SDK1: variants seen among roughly 807,000 people sequenced by gnomAD.
SDK1 encodes the protein sidekick cell adhesion molecule 1.
A neutral mutation model predicts 245.5 loss-of-function variants in SDK1; 157 were observed. The observed-to-expected ratio is 0.64, with a 90% CI of 0.56 to 0.73. SDK1 has a LOEUF of 0.73. Among genes scored for constraint, SDK1 ranks in the 30% least tolerant of loss-of-function variants. SDK1 has a pLI of 0.00. For missense variants in SDK1, 3,583 were observed against 3,002.3 expected (o/e 1.19, Z -4.52); for synonymous variants, 1,647 against 1,278.5 (o/e 1.29, Z -6.15).
chr7:3,621,233 G>T (rs970047240), intron 2 of SDK1, among the ~76,000 whole-genome samples: 4 of 152,166 alleles, frequency 2.6e-5, no homozygotes, highest in Non-Finnish European at 5.9e-5. Context: ...TGAACTTAGA[G>T]TTGAGAACCA....
intron 1 of SDK1, among the ~76,000 whole-genome samples, chr7:3,341,041 C>T (rs1780336126): frequency 6.6e-6 from 1 of 151,966 alleles, no homozygotes; most frequent in Admixed American, 6.6e-5. Context: ...CTAGTATTAC[C>T]CTGACAGCAA....
intron 5 of SDK1, among the ~76,000 whole-genome samples, chr7:3,824,717 A>G (rs1480679876): frequency 1.3e-5 from 2 of 152,178 alleles, no homozygotes; most frequent in Non-Finnish European, 2.9e-5. Context: ...TTCAATTGCT[A>G]GATACTGTGG....
intron 2 of SDK1, among the ~76,000 whole-genome samples, chr7:3,634,943 A>G (rs1782408095): frequency 6.6e-6 from 1 of 152,242 alleles, no homozygotes; most frequent in Non-Finnish European, 1.5e-5. Flanking sequence ...AAGTAGAATG[A>G]GCAATCATAT....
chr7:4,165,424 C>A (rs1182402690), intron 32 of SDK1, among the ~76,000 whole-genome samples: 1 of 152,142 alleles, frequency 6.6e-6, no homozygotes, highest in African/African-American at 2.4e-5. Context: ...TAAATGCCTC[C>A]CTTAGTAGAC....
In SDK1 at chr7:3,978,791, C is replaced by T. The variant is rs575366712; in HGVS notation, c.1994+4246C>T. 1.2e-4 allele frequency among the ~76,000 whole-genome samples: 18 copies of T among 152,318 alleles called. No homozygotes were observed. The East Asian group carries it at 3.1e-3, about 26-fold the overall frequency. On this transcript the variant is annotated intron_variant, in intron 13 of 44. Coordinates refer to ENST00000404826, the MANE Select transcript of SDK1 (RefSeq NM_152744.4). ...ATCTCATATTGCCAAAGGGAAGGGACTGAGAGGTGCTTATGACTAAACAAT... is the reference window on the plus strand; with the variant it reads ...ATCTCATATTGCCAAAGGGAAGGGATTGAGAGGTGCTTATGACTAAACAAT...
Position 4,119,411 on chromosome 7 carries a change from T to A in SDK1, c.3823+5137T>A, listed in dbSNP as rs186032993. On this transcript the variant is annotated intron_variant, in intron 25 of 44. Coordinates refer to ENST00000404826, the MANE Select transcript of SDK1 (RefSeq NM_152744.4). ...TCGAGCCTGCCATGAACTACGATCATACCCCTGCACTGCAGCCTGGGTGGC... is the reference window on the plus strand; with the variant it reads ...TCGAGCCTGCCATGAACTACGATCAAACCCCTGCACTGCAGCCTGGGTGGC... Among the ~76,000 whole-genome samples, 813 of 148,486 alleles carry A rather than the reference T, an allele frequency of 5.5e-3. 61 individuals carry two copies. Among genetic ancestry groups the A allele is most frequent in the African/African-American group, 0.018 (726 of 40,676 alleles).
In SDK1 at chr7:3,952,620, A is replaced by G. The variant is rs185552111; in HGVS notation, c.1150+700A>G. ...TATTAATTTAGAAATTATTCTATTA[A>G]TTATTAATTTAGCTGTTATTTTTTG... is the stretch of plus-strand genomic sequence containing the variant. On this transcript the variant is annotated intron_variant, in intron 7 of 44. Transcript: ENST00000404826. Among the ~76,000 whole-genome samples the G allele has an allele frequency of 2.5e-3, 383 of 152,240 alleles. 3 individuals carry two copies. The highest frequency in any genetic ancestry group is 8.8e-3 in the African/African-American group (367 of 41,556).
At chr7:4,069,912 T>TGC (rs1584014792) in intron 20 of SDK1, among the ~76,000 whole-genome samples, 1 of 152,206 alleles carries the variant, frequency 6.6e-6, no homozygotes, top group African/African-American at 2.4e-5. Context: ...AATGGGCATG[T>TGC]GCGCATTCTC....
At chr7:3,322,317 A>C (rs79824279) in intron 1 of SDK1, among the ~76,000 whole-genome samples, 5,993 of 152,166 alleles carry the variant, frequency 0.039, 353 homozygotes, top group African/African-American at 0.13. Context: ...TCATTACATC[A>C]TATCTTTTTA....
chr7:3,499,667 C>T (rs117292770), intron 1 of SDK1, among the ~76,000 whole-genome samples: 97 of 152,270 alleles, frequency 6.4e-4, no homozygotes, highest in Admixed American at 1.2e-3. Context: ...TGTAAGGGCA[C>T]GGCAGTGTTG....
At chr7:4,025,044 AC>A (rs1348924129) in intron 17 of SDK1, among the ~76,000 whole-genome samples, 3 of 151,926 alleles carry the variant, frequency 2.0e-5, no homozygotes, top group Non-Finnish European at 4.4e-5. Context: ...ACACACACAC[AC>A]ACACAAACAG....
intron 1 of SDK1, among the ~76,000 whole-genome samples, chr7:3,481,616 T>G (rs958137569): frequency 6.6e-6 from 1 of 152,182 alleles, no homozygotes; most frequent in Non-Finnish European, 1.5e-5. Flanking sequence ...ATACAAGCCC[T>G]TCCTGTGTAC....
At chr7:3,457,602 T>A (rs1209180014) in intron 1 of SDK1, among the ~76,000 whole-genome samples, 1 of 152,222 alleles carries the variant, frequency 6.6e-6, no homozygotes, top group Non-Finnish European at 1.5e-5. Context: ...TATTTATGAT[T>A]AGCTCATCTC....
chr7:3,628,665 G>A (rs771498526), intron 2 of SDK1, among the ~76,000 whole-genome samples: 1 of 152,146 alleles, frequency 6.6e-6, no homozygotes, highest in Non-Finnish European at 1.5e-5. Flanking sequence ...CTTCCTCTTT[G>A]TCTCCCTAAA....
chr7:3,407,009 C>T (rs1211752189), intron 1 of SDK1, among the ~76,000 whole-genome samples: 6 of 152,158 alleles, frequency 3.9e-5, no homozygotes, highest in African/African-American at 9.6e-5. Context: ...GAATTGGTTG[C>T]CAATGGGATC....
At chr7:3,722,594 G>A (rs919191616) in intron 4 of SDK1, among the ~76,000 whole-genome samples, 9 of 152,136 alleles carry the variant, frequency 5.9e-5, no homozygotes, top group Admixed American at 5.2e-4. Flanking sequence ...GTGTGTACGC[G>A]CCTTAGCACG....
In SDK1 at chr7:4,114,175, C is replaced by A; in HGVS notation, c.3724C>A (p.Leu1242Met). 6.2e-7 allele frequency: 1 copy of A among 1,614,150 alleles called. No individual in the cohort carries two copies. Among genetic ancestry groups the A allele is most frequent in the Non-Finnish European group, 8.5e-7 (1 of 1,180,016 alleles). The change falls in exon 25 of 45, where the codon CTG (leucine) becomes ATG (methionine). Residue 1242 changes from leucine (L) to methionine (M), a missense_variant. Physicochemically the swap from Leu to Met is conservative, Grantham distance 15 (BLOSUM62 2). Coordinates refer to ENST00000404826, the MANE Select transcript of SDK1 (RefSeq NM_152744.4). The part of the protein sequence containing the change: ...RLEREFTIEE[L>M]EEWMEYELQM... ...GGAGAGAGAATTCACCATCGAGGAG[C>A]TGGAGGAGTGGATGGAATACGAGCT...
At chr7:3,524,021 G>A (rs1448670765) in intron 1 of SDK1, among the ~76,000 whole-genome samples, 1 of 152,158 alleles carries the variant, frequency 6.6e-6, no homozygotes, top group African/African-American at 2.4e-5. Context: ...GTGGTGCCTG[G>A]CCTGAGTCAG....
chr7:3,772,002 C>T (rs770023304), intron 4 of SDK1, among the ~76,000 whole-genome samples: 1 of 152,170 alleles, frequency 6.6e-6, no homozygotes, highest in Non-Finnish European at 1.5e-5. Context: ...TAAATGGGAT[C>T]ATACAGTATT....
Sources: allele counts gnomAD v4.1 joint callset (sites outside exome capture counted in the v4.1 genomes callset), GRCh38; gene constraint gnomAD v4.1.1; transcripts MANE v1.5; gene names NCBI Gene and HGNC (gene_info 2026-07-23, HGNC 2026-07-21).